The following PRTG variants were observed in gnomAD, a reference collection of about 807,000 sequenced individuals.
PRTG encodes the protein immunoglobulin superfamily, DCC subclass, member 5.
In PRTG, 67 loss-of-function variants were observed where a neutral mutation model predicts 122.5. The ratio of observed to expected loss-of-function variants is 0.55; its 90% confidence interval spans 0.45 to 0.67. PRTG has a LOEUF of 0.67. Among genes scored for constraint, PRTG ranks in the 30% least tolerant of loss-of-function variants. The pLI is 0.00. For synonymous variants in PRTG, 554 were observed against 501.1 expected, an observed-to-expected ratio of 1.11 and a Z score of -1.41; for missense variants, 1,435 against 1,415.4, an observed-to-expected ratio of 1.01 and a Z score of -0.22.
intron 2 of PRTG, among the ~76,000 whole-genome samples, chr15:55,735,718 TAAAAAAAAAA>T (rs35182605): frequency 8.7e-6 from 1 of 114,306 alleles, no homozygotes; most frequent in Non-Finnish European, 1.7e-5. Context: ...CATGCTTTGC[TAAAAAAAAAA>T]AAAAAAAAAA....
At chr15:55,646,251 A>C (rs2141747353) in intron 11 of PRTG, among the ~76,000 whole-genome samples, 1 of 140,106 alleles carries the variant, frequency 7.1e-6, no homozygotes, top group African/African-American at 2.7e-5. Flanking sequence ...TGACCTTGTG[A>C]TTCACCCGCC....
chr15:55,693,247 G>C (rs879583511), intron 2 of PRTG, among the ~76,000 whole-genome samples: 1 of 152,074 alleles, frequency 6.6e-6, no homozygotes, highest in East Asian at 1.9e-4. Flanking sequence ...ACCTGAGATC[G>C]GGTGGTCGGG....
At chr15:55,639,345 C>G (rs1178693070) in intron 13 of PRTG, among the ~76,000 whole-genome samples, 1 of 152,146 alleles carries the variant, frequency 6.6e-6, no homozygotes, top group Non-Finnish European at 1.5e-5. Flanking sequence ...AGTCTCCTTT[C>G]TTTCTTTAAA....
intron 15 of PRTG, among the ~76,000 whole-genome samples, chr15:55,635,108 T>G (rs932597924): frequency 1.1e-4 from 16 of 151,596 alleles, no homozygotes; most frequent in Non-Finnish European, 2.2e-4. Flanking sequence ...TGTGTGTTTT[T>G]TGAGACAGAG....
Position 55,628,723 on chromosome 15 carries a change from C to T in PRTG, c.2806+99G>A, listed in dbSNP as rs529546492. ...AGCAACAACTTACGGAACTGAGAGC[C>T]GGTTTAGGGATACAGCAATTGTAGG... On this transcript the variant is annotated intron_variant, in intron 16 of 19. Transcript: ENST00000389286. The T allele has an allele frequency of 6.0e-5, 54 of 892,984 alleles. 1 individual carries two copies. In the South Asian group the frequency reaches 1.1e-3, roughly 18 times the overall value. The allele number at this position is 892,984 out of a possible 1,614,324, so 55.3% of individuals were successfully genotyped here.
In PRTG at chr15:55,743,033, C is replaced by A. The variant is rs1437028716; in HGVS notation, c.-102G>T. 2 of 1,317,836 alleles carry A rather than the reference C, an allele frequency of 1.5e-6. No individual in the cohort carries two copies. The highest frequency in any genetic ancestry group is 1.9e-6 in the Non-Finnish European group (2 of 1,037,744). The allele number at this position is 1,317,836 out of a possible 1,614,324, so 81.6% of individuals were successfully genotyped here. A position where few individuals can be genotyped will look rare whatever the true frequency, so the allele number is the denominator to read the frequency against. ...CTGCTCTGCGGCTGGTCGCACGCAGCCTGGCTCCCCGCTCCGGCTCCGGCA... is the reference window on the plus strand; with the variant it reads ...CTGCTCTGCGGCTGGTCGCACGCAGACTGGCTCCCCGCTCCGGCTCCGGCA... On this transcript the variant is annotated 5_prime_UTR_variant, in exon 1 of 20. Transcript: ENST00000389286.
rs547105355 is a variant in PRTG at position 55,695,938 on chromosome 15, T to G, written c.398-12007A>C. Among the ~76,000 whole-genome samples the G allele has an allele frequency of 2.0e-5, 3 of 152,062 alleles. No homozygotes were observed. In the East Asian group the frequency reaches 5.8e-4, roughly 29 times the overall value. On this transcript the variant is annotated intron_variant, in intron 2 of 19. Coordinates refer to ENST00000389286, the MANE Select transcript of PRTG (RefSeq NM_173814.6). ...GTGAGCCGAGATTGCACCATTGCAC[T>G]CCAACCTTGGTGACAGTGTGAGACC...
chr15:55,736,099 A>C (rs1449991279), intron 2 of PRTG, among the ~76,000 whole-genome samples: 1 of 152,156 alleles, frequency 6.6e-6, no homozygotes, highest in Admixed American at 6.6e-5. Flanking sequence ...GTTTCTCTAC[A>C]TACCTCAGTT....
At chr15:55,622,293 T>C (rs1358456435) in intron 18 of PRTG, among the ~76,000 whole-genome samples, 1 of 148,004 alleles carries the variant, frequency 6.8e-6, no homozygotes, top group Non-Finnish European at 1.5e-5. Flanking sequence ...TCTCGGCTCA[T>C]TGCAACCTCT....
At chr15:55,639,548 G>T in intron 13 of PRTG, 94 bp downstream of exon 13, 1 of 1,100,016 alleles carries the variant, frequency 9.1e-7, no homozygotes, top group Non-Finnish European at 1.3e-6. Context: ...TACAGGTGAA[G>T]CCCGAGCTGG....
At chr15:55,742,568 T>G in intron 1 of PRTG, 1 of 427,256 alleles carries the variant, frequency 2.3e-6, no homozygotes, top group Non-Finnish European at 4.1e-6. Flanking sequence ...CCGCCAGAAC[T>G]CCGCAGCCAC....
rs1433784365 is a variant in PRTG, at chr15:55,638,693, T to C, written c.2325-17A>G. 3 of 1,607,226 alleles carry C rather than the reference T, an allele frequency of 1.9e-6. No homozygotes were observed. Among genetic ancestry groups the C allele is most frequent in the Non-Finnish European group, 2.6e-6 (3 of 1,176,074 alleles). Reference sequence around the variant, plus strand: ...GTTTCTGATCTATAATAACGAGTGATGAAGTTGTTAATGCTGGTAGTATAA... The same window carrying C: ...GTTTCTGATCTATAATAACGAGTGACGAAGTTGTTAATGCTGGTAGTATAA... On this transcript the variant is annotated splice_polypyrimidine_tract_variant and intron_variant, in intron 13 of 19. Transcript: ENST00000389286.
intron 2 of PRTG, among the ~76,000 whole-genome samples, chr15:55,730,072 T>G (rs1004808264): frequency 6.6e-6 from 1 of 152,208 alleles, no homozygotes; most frequent in Non-Finnish European, 1.5e-5. Flanking sequence ...CTTTTTTAAT[T>G]AAGAAACTAA....
In PRTG at chr15:55,639,752, G is replaced by T. The variant is rs2059279072; in HGVS notation, c.2214C>A (p.Ile738=). 1.9e-6 allele frequency: 3 copies of T among 1,614,088 alleles called. No homozygotes were observed. The highest frequency in any genetic ancestry group is 2.5e-6 in the Non-Finnish European group (3 of 1,180,026). ...ATGCAGGCCTCCTCCAGTGCAGGAA[G>T]ATGGAAGATGAGGTGTTAGCCTTCG... ...LYAKANTSSS[I]FLHWRRPAFT... is the part of the protein sequence containing the mutation. Residue 738 remains isoleucine, a synonymous_variant, in exon 13 of 20, where the codon ATC becomes ATA. Coordinates refer to ENST00000389286, the MANE Select transcript of PRTG (RefSeq NM_173814.6).
intron 2 of PRTG, among the ~76,000 whole-genome samples, chr15:55,714,161 C>G (rs1429567405): frequency 1.3e-5 from 2 of 151,980 alleles, no homozygotes; most frequent in African/African-American, 4.8e-5. Context: ...CTGTAACACC[C>G]TGAGAAGTAG....
chr15:55,709,910 C>G (rs1193234143), intron 2 of PRTG, among the ~76,000 whole-genome samples: 6 of 152,102 alleles, frequency 3.9e-5, no homozygotes, highest in African/African-American at 1.4e-4. Context: ...TGAGTATGTT[C>G]TCATTGTGGT....
chr15:55,640,743 C>T lies in PRTG; in HGVS notation c.2137+370G>A, dbSNP rs547178591. ...AAGATACTTTAGCCAGGTGCGGTGG[C>T]TCACGTCTGTAATCCCAGCACTTTG... is the stretch of plus-strand genomic sequence containing the variant. On this transcript the variant is annotated intron_variant, in intron 12 of 19. Coordinates refer to ENST00000389286, the MANE Select transcript of PRTG (RefSeq NM_173814.6). Among the ~76,000 whole-genome samples the T allele has an allele frequency of 2.0e-5, 3 of 152,112 alleles. No individual in the cohort carries two copies. The South Asian group carries it at 6.2e-4, about 32-fold the overall frequency.
intron 2 of PRTG, among the ~76,000 whole-genome samples, chr15:55,695,535 G>A (rs948424227): frequency 6.6e-6 from 1 of 152,210 alleles, no homozygotes; most frequent in African/African-American, 2.4e-5. Context: ...CTCATCGACT[G>A]CACCAGTCAC....
intron 18 of PRTG, 49 bp downstream of exon 18, chr15:55,624,293 G>C (rs751461833): frequency 6.4e-7 from 1 of 1,559,306 alleles, no homozygotes; most frequent in South Asian, 1.2e-5. Flanking sequence ...CACACACAGG[G>C]AGGAGGAATG....
Sources: allele counts gnomAD v4.1 joint callset (sites outside exome capture counted in the v4.1 genomes callset), GRCh38; gene constraint gnomAD v4.1.1; transcripts MANE v1.5; gene names NCBI Gene and HGNC (gene_info 2026-07-23, HGNC 2026-07-21).